Variants in GOSR2 observed in about 807,000 individuals in gnomAD.
GOSR2 encodes golgi SNAP receptor complex member 2.
A neutral mutation model predicts 27.9 loss-of-function variants in GOSR2; 20 were observed. The ratio of observed to expected loss-of-function variants is 0.72; its 90% CI spans 0.50 to 1.04. The LOEUF (loss-of-function observed/expected upper bound fraction) is 1.04, where lower values mean the gene tolerates loss of function less well. GOSR2 is among the 50% of genes least tolerant of loss of function. The pLI is 0.00. For synonymous variants in GOSR2, 91 were observed against 98.8 expected, an observed-to-expected ratio of 0.92 and a Z score of 0.47; for missense variants, 261 against 270.5, an observed-to-expected ratio of 0.97 and a Z score of 0.25.
At chr17:46,958,544 G>A (rs1004080325) in intron 6 of GOSR2, among the ~76,000 whole-genome samples, 11 of 152,324 alleles carry the variant, frequency 7.2e-5, no homozygotes, top group Admixed American at 3.9e-4. Context: ...CCTTAGAGAC[G>A]TCTGTGTGAG....
chr17:46,938,867 C>G lies in GOSR2; in HGVS notation c.*107C>G. ...GCCGCCTTTTGAAATGTTTGCCTGT[C>G]TGAACTGTGAAGACACTTGGGAGTG... is the stretch of plus-strand genomic sequence containing the variant. On this transcript the variant is annotated 3_prime_UTR_variant, in exon 6 of 6. Transcript: ENST00000640051. 6.3e-7 allele frequency: 1 copy of G among 1,581,642 alleles called. No homozygotes were observed. The highest frequency in any genetic ancestry group is 8.6e-7 in the Non-Finnish European group (1 of 1,167,712).
intron 6 of GOSR2, among the ~76,000 whole-genome samples, chr17:46,953,045 T>A (rs961931295): frequency 5.3e-5 from 8 of 152,042 alleles, no homozygotes; most frequent in Non-Finnish European, 1.2e-4. Flanking sequence ...ATTTTTTATT[T>A]TTTTATTTTA....
In GOSR2 at chr17:46,935,097, C is replaced by T. The variant is rs753166413; in HGVS notation, c.405C>T (p.Asn135=). 24 of 1,612,656 alleles carry T rather than the reference C, an allele frequency of 1.5e-5. No individual in the cohort carries two copies. The highest frequency in any genetic ancestry group is 2.2e-5 in the East Asian group (1 of 44,876). The change falls in exon 5 of 6, where the codon AAC becomes AAT. Residue 135 remains asparagine, a synonymous_variant. Transcript: ENST00000640051. ...QFNSSLQKVH[N]GMDDLILDGH... is the part of the protein sequence containing the mutation. ...ACTCCTCCCTCCAGAAAGTTCACAACGGCATGGATGACCTCATTTTAGATG... is the reference window on the plus strand; with the variant it reads ...ACTCCTCCCTCCAGAAAGTTCACAATGGCATGGATGACCTCATTTTAGATG...
chr17:46,944,610 C>CT (rs55760473), downstream of GOSR2, among the ~76,000 whole-genome samples: 154 of 144,244 alleles, frequency 1.1e-3, 1 homozygote, highest in African/African-American at 2.8e-3. Context: ...TTTTAATTTT[C>CT]TTTTTTTTTT....
intron 6 of GOSR2, among the ~76,000 whole-genome samples, chr17:46,962,152 C>T (rs1378319069): frequency 1.3e-5 from 2 of 151,962 alleles, no homozygotes; most frequent in Non-Finnish European, 2.9e-5. Context: ...ATGGTGAAAC[C>T]CTGTCTCTAC....
At chr17:46,934,377 C>T (rs1411085106) in intron 4 of GOSR2, among the ~76,000 whole-genome samples, 1 of 152,124 alleles carries the variant, frequency 6.6e-6, no homozygotes, top group African/African-American at 2.4e-5. Flanking sequence ...AAGAAAAAAG[C>T]TGGGCATGGT....
downstream of GOSR2, among the ~76,000 whole-genome samples, chr17:46,968,328 T>C (rs1311474415): frequency 6.6e-6 from 1 of 152,202 alleles, no homozygotes; most frequent in Non-Finnish European, 1.5e-5. Flanking sequence ...TCTGAATCTT[T>C]AGGGAAAAAA....
intron 5 of GOSR2, chr17:46,935,980 AG>A: frequency 3.0e-6 from 3 of 985,898 alleles, no homozygotes; most frequent in Non-Finnish European, 3.6e-6. Flanking sequence ...GCTTTATCTT[AG>A]TTTTTGTTGG....
At chr17:46,956,870 G>A (rs1404824924) in intron 6 of GOSR2, among the ~76,000 whole-genome samples, 1 of 152,172 alleles carries the variant, frequency 6.6e-6, no homozygotes, top group Non-Finnish European at 1.5e-5. Flanking sequence ...GCTCCACAGC[G>A]AGCATGTGGC....
intron 6 of GOSR2, among the ~76,000 whole-genome samples, chr17:46,957,385 G>A (rs997538955): frequency 6.6e-6 from 1 of 152,196 alleles, no homozygotes; most frequent in Non-Finnish European, 1.5e-5. Context: ...GGCTGAGGCA[G>A]GTGGATCACT....
chr17:46,946,204 G>A (rs941350403), downstream of GOSR2, among the ~76,000 whole-genome samples: 8 of 150,198 alleles, frequency 5.3e-5, no homozygotes, highest in African/African-American at 2.0e-4. Context: ...GGGAGGCCGA[G>A]GTGGGCAGAT....
intron 2 of GOSR2, chr17:46,930,475 C>T (rs1211796579): frequency 1.3e-5 from 2 of 152,334 alleles, no homozygotes; most frequent in Admixed American, 6.5e-5. Context: ...CCGTATTTAT[C>T]GTATCTCTTT....
intron 6 of GOSR2, among the ~76,000 whole-genome samples, chr17:46,952,058 T>C (rs1454630793): frequency 6.6e-6 from 1 of 152,204 alleles, no homozygotes; most frequent in Non-Finnish European, 1.5e-5. Flanking sequence ...TTCCTGAAGC[T>C]GGGTTGTTAT....
intron 6 of GOSR2, among the ~76,000 whole-genome samples, chr17:46,953,416 A>G (rs1054822308): frequency 6.6e-6 from 1 of 152,208 alleles, no homozygotes; most frequent in African/African-American, 2.4e-5. Context: ...CGTGGTGTAT[A>G]TGTGCCACAT....
At position 46,940,381 on chromosome 17, in the gene GOSR2, G is replaced by A; in HGVS notation, c.*1621G>A. The A allele has an allele frequency of 2.0e-6, 3 of 1,528,306 alleles. No homozygotes were observed. Among genetic ancestry groups the A allele is most frequent in the Non-Finnish European group, 2.6e-6 (3 of 1,141,726 alleles). 94.7% of individuals were successfully genotyped at this position (1,528,306 alleles called of 1,614,324 possible). On this transcript the variant is annotated 3_prime_UTR_variant, in exon 6 of 6. Transcript: ENST00000640051. Reference sequence around the variant, plus strand: ...CCAGAGTTAAAGCAGTGACTGGAGGGTGGACTGGGGGGTTGCAGCATCTTT... The same window carrying A: ...CCAGAGTTAAAGCAGTGACTGGAGGATGGACTGGGGGGTTGCAGCATCTTT...
chr17:46,946,112 C>T (rs1484582005), downstream of GOSR2, among the ~76,000 whole-genome samples: 1 of 151,860 alleles, frequency 6.6e-6, no homozygotes. Context: ...AATTCTCTGT[C>T]GTCACTCACT....
chr17:46,923,330 C>T (rs1309194197), intron 1 of GOSR2, 109 bp downstream of exon 1: 1 of 1,535,756 alleles, frequency 6.5e-7, no homozygotes, highest in East Asian at 2.5e-5. Context: ...CCGAGTTTTT[C>T]CGCCAGGGCA....
chr17:46,935,591 C>A (rs1363366768), intron 5 of GOSR2: 2 of 1,083,630 alleles, frequency 1.8e-6, no homozygotes, highest in African/African-American at 1.7e-5. Flanking sequence ...ATAACTAAAA[C>A]CTTTTGTATT....
At position 46,941,157 on chromosome 17, in the gene GOSR2, T is replaced by TTTAC. The variant is rs142588426; in HGVS notation, c.*2400_*2403dup. On this transcript the variant is annotated 3_prime_UTR_variant, in exon 6 of 6. Transcript: ENST00000640051. ...TTGAGATCTCTTTATTACATGGACATTTACTTCAGGGGGACCACTGTAAGA... is the reference window on the plus strand; with the variant it reads ...TTGAGATCTCTTTATTACATGGACATTTACTTACTTCAGGGGGACCACTGTAAGA... 4.2e-4 allele frequency: 428 copies of TTTAC among 1,008,574 alleles called. 1 individual carries two copies. The African/African-American group carries it at 6.8e-3, about 16-fold the overall frequency. 62.5% of individuals were successfully genotyped at this position (1,008,574 alleles called of 1,614,324 possible).
Sources: gnomAD v4.1 joint callset for allele counts (sites outside exome capture counted in the v4.1 genomes callset) on GRCh38, gnomAD v4.1.1 for gene constraint, MANE v1.5 for transcripts, NCBI Gene and HGNC (gene_info 2026-07-23, HGNC 2026-07-21) for gene names.